The following GRK5 variants were observed in gnomAD, a reference collection of about 807,000 sequenced individuals.
GRK5 encodes g protein-coupled receptor kinase GRK5.
GRK5 carries 40 observed loss-of-function variants against 78.4 expected under a neutral mutation model. That is an observed-to-expected ratio of 0.51 (90% confidence interval 0.40 to 0.66). The LOEUF is 0.66. Ranked by LOEUF, GRK5 falls within the 30% of genes least tolerant of loss-of-function variation. The pLI is 0.00. For missense variants in GRK5, 598 were observed against 759.9 expected, an observed-to-expected ratio of 0.79 and a Z score of 2.50; for synonymous variants, 289 against 296.8, an observed-to-expected ratio of 0.97 and a Z score of 0.27.
intron 13 of GRK5, among the ~76,000 whole-genome samples, chr10:119,450,829 GT>G: frequency 6.6e-6 from 1 of 152,110 alleles, no homozygotes; most frequent in South Asian, 2.1e-4. Context: ...CAGGGCCTCT[GT>G]TCCTGGCATC....
chr10:119,270,685 A>G (rs1849569822), intron 1 of GRK5, among the ~76,000 whole-genome samples: 1 of 152,202 alleles, frequency 6.6e-6, no homozygotes, highest in African/African-American at 2.4e-5. Context: ...AGACCCTCAA[A>G]TGCTGGGGGA....
chr10:119,376,836 G>A (rs1851628875), intron 2 of GRK5, among the ~76,000 whole-genome samples: 1 of 152,146 alleles, frequency 6.6e-6, no homozygotes, highest in African/African-American at 2.4e-5. Context: ...CAAAGTGATG[G>A]GATTACAGGC....
At chr10:119,371,693 T>C (rs1345790133) in intron 2 of GRK5, among the ~76,000 whole-genome samples, 2 of 152,234 alleles carry the variant, frequency 1.3e-5, no homozygotes, top group Non-Finnish European at 2.9e-5. Flanking sequence ...TCCTGCCTGC[T>C]TTGGTGCTAA....
intron 1 of GRK5, among the ~76,000 whole-genome samples, chr10:119,236,454 TC>T (rs1848932577): frequency 2.6e-5 from 4 of 152,276 alleles, no homozygotes; most frequent in Admixed American, 2.0e-4. Context: ...GATCTCGTGA[TC>T]CGCCCGCCTT....
intron 3 of GRK5, among the ~76,000 whole-genome samples, chr10:119,388,055 G>A (rs552385137): frequency 4.0e-5 from 6 of 151,820 alleles, no homozygotes; most frequent in Non-Finnish European, 4.4e-5. Flanking sequence ...GGCCCAAAGC[G>A]AATCCTCCCA....
intron 2 of GRK5, among the ~76,000 whole-genome samples, chr10:119,366,368 G>GGA (rs201944256): frequency 6.6e-6 from 1 of 152,268 alleles, no homozygotes; most frequent in Admixed American, 6.5e-5. Context: ...GGGTGGCGGA[G>GGA]GAGAGAGAGA....
At chr10:119,296,214 C>T (rs1407628292) in intron 1 of GRK5, among the ~76,000 whole-genome samples, 1 of 152,202 alleles carries the variant, frequency 6.6e-6, no homozygotes, top group Non-Finnish European at 1.5e-5. Context: ...GCGACAGTTC[C>T]AGGCGTCACG....
Position 119,445,904 on chromosome 10 carries a change from C to T in GRK5, c.1266+2152C>T, listed in dbSNP as rs1853136426. Among the ~76,000 whole-genome samples the T allele has an allele frequency of 6.6e-6, 1 of 151,638 alleles. No homozygotes were observed. The highest frequency in any genetic ancestry group is 1.5e-5 in the Non-Finnish European group (1 of 67,868). Reference sequence around the variant, plus strand: ...TCTGTCCCCCATTCTACCTTAGCAGCCGCAGAACCCACTCCCCCTCCTCTG... The same window carrying T: ...TCTGTCCCCCATTCTACCTTAGCAGTCGCAGAACCCACTCCCCCTCCTCTG... On this transcript the variant is annotated intron_variant, in intron 12 of 15. Transcript: ENST00000392870. The surrounding 1 kb of genome is among the most constrained non-coding windows in gnomAD (Gnocchi z 4.1).
intron 1 of GRK5, among the ~76,000 whole-genome samples, chr10:119,234,632 T>G (rs1261883361): frequency 6.6e-6 from 1 of 151,692 alleles, no homozygotes; most frequent in East Asian, 1.9e-4. Context: ...CTCCCCTCCT[T>G]TTCTTTTCTA....
rs11279870 is a variant in GRK5, at chr10:119,378,667, GGGCTGCGCCT to G, written c.149-2147_149-2138del. Among the ~76,000 whole-genome samples the G allele has an allele frequency of 0.28, 42,845 of 151,966 alleles. 6,791 individuals carry two copies. Among genetic ancestry groups the G allele is most frequent in the East Asian group, 0.65 (3,297 of 5,110 alleles). On this transcript the variant is annotated intron_variant, in intron 2 of 15. Transcript: ENST00000392870. The surrounding 1 kb of genome is among the most constrained non-coding windows in gnomAD (Gnocchi z 4.5). ...TCTCCGCTCATCTCCGCTTGTGTGC[GGGCTGCGCCT>G]CCGTGGGCTCTCGCTGCGTGGGGGG...
chr10:119,319,435 CT>C (rs1417197880), intron 1 of GRK5, among the ~76,000 whole-genome samples: 1 of 152,270 alleles, frequency 6.6e-6, no homozygotes, highest in African/African-American at 2.4e-5. Flanking sequence ...GGGAGCCCCC[CT>C]GATCGGCCCT....
intron 3 of GRK5, among the ~76,000 whole-genome samples, chr10:119,391,724 G>A (rs1302384557): frequency 2.0e-5 from 3 of 152,190 alleles, no homozygotes; most frequent in Non-Finnish European, 2.9e-5. Context: ...CTGGAGGGGC[G>A]GCCCACGTGG....
intron 1 of GRK5, among the ~76,000 whole-genome samples, chr10:119,248,124 A>C (rs968320539): frequency 4.6e-5 from 7 of 151,900 alleles, no homozygotes; most frequent in Non-Finnish European, 7.4e-5. Context: ...CAATCCTCCC[A>C]CCTTGGCCTC....
chr10:119,311,914 A>ACT (rs34048341), intron 1 of GRK5, among the ~76,000 whole-genome samples: 8,403 of 137,742 alleles, frequency 0.061, 962 homozygotes, highest in African/African-American at 0.098. Context: ...TGAATTGTTC[A>ACT]TTTTTTTTTT....
intron 1 of GRK5, among the ~76,000 whole-genome samples, chr10:119,308,815 C>T (rs980391186): frequency 3.9e-5 from 6 of 152,254 alleles, no homozygotes; most frequent in Non-Finnish European, 4.4e-5. Flanking sequence ...TTAGTGTTAG[C>T]CTGAGATCCT....
At chr10:119,361,120 T>C (rs559089131) in intron 2 of GRK5, among the ~76,000 whole-genome samples, 3 of 152,344 alleles carry the variant, frequency 2.0e-5, no homozygotes, top group South Asian at 4.1e-4. Flanking sequence ...CCTTGGGCAA[T>C]GCACAGACCT....
intron 1 of GRK5, among the ~76,000 whole-genome samples, chr10:119,301,859 T>C (rs1473645144): frequency 1.3e-5 from 2 of 152,222 alleles, no homozygotes; most frequent in Non-Finnish European, 2.9e-5. Context: ...TCCTGTTCAT[T>C]GAGCCTGGAC....
In GRK5 at chr10:119,253,256, G is replaced by A. The variant is rs947646741; in HGVS notation, c.52+45287G>A. ...CCCTTGATAGAGTCCGAAATTTGAA[G>A]GACAAGCAAGGAAGATTGGAGCATC... On this transcript the variant is annotated intron_variant, in intron 1 of 15. Transcript: ENST00000392870. The surrounding 1 kb of genome is among the most constrained non-coding windows in gnomAD (Gnocchi z 5.7). 6.6e-6 allele frequency among the ~76,000 whole-genome samples: 1 copy of A among 152,152 alleles called. No homozygotes were observed. The highest frequency in any genetic ancestry group is 1.5e-5 in the Non-Finnish European group (1 of 68,036).
chr10:119,382,838 T>G (rs190739564), intron 3 of GRK5, among the ~76,000 whole-genome samples: 1 of 152,296 alleles, frequency 6.6e-6, no homozygotes, highest in Admixed American at 6.5e-5. Flanking sequence ...AATACATTTG[T>G]TGTTCCTACA....
Sources: allele counts gnomAD v4.1 joint callset (sites outside exome capture counted in the v4.1 genomes callset), GRCh38; gene constraint gnomAD v4.1.1; non-coding constraint Gnocchi (gnomAD v3.1); transcripts MANE v1.5; gene names NCBI Gene and HGNC (gene_info 2026-07-23, HGNC 2026-07-21).